LRRC4C: variants seen among roughly 807,000 people sequenced by gnomAD.
LRRC4C encodes leucine-rich repeat-containing protein 4C.
Under a neutral mutation model 33.6 loss-of-function variants are expected in LRRC4C, and 5 were observed. The ratio of observed to expected loss-of-function variants is 0.15; its 90% confidence interval spans 0.08 to 0.31. The LOEUF (loss-of-function observed/expected upper bound fraction) is 0.31. Ranked by LOEUF, LRRC4C falls within the 10% of genes least tolerant of loss-of-function variation. The pLI is 1.00. For missense variants in LRRC4C, 560 were observed against 796.7 expected (o/e 0.70, Z 3.58); for synonymous variants, 329 against 302.0 (o/e 1.09, Z -0.93).
At chr11:41,323,538 T>G (rs1951019008) in intron 1 of LRRC4C, among the ~76,000 whole-genome samples, 2 of 152,216 alleles carry the variant, frequency 1.3e-5, no homozygotes, top group Non-Finnish European at 2.9e-5. Flanking sequence ...GACAGTTCCT[T>G]TCTTCCAAAT....
intron 2 of LRRC4C, among the ~76,000 whole-genome samples, chr11:40,847,865 A>G (rs553850406): frequency 1.7e-4 from 26 of 149,200 alleles, no homozygotes; most frequent in Non-Finnish European, 3.2e-4. Flanking sequence ...CAGGAATTCA[A>G]CTTCTTCCTG....
intron 3 of LRRC4C, among the ~76,000 whole-genome samples, chr11:40,331,630 A>G (rs1342774639): frequency 6.6e-6 from 1 of 152,200 alleles, no homozygotes; most frequent in Non-Finnish European, 1.5e-5. Flanking sequence ...GGCATCATTC[A>G]ACTGGTTGAG....
In LRRC4C at chr11:41,093,809, C is replaced by T. The variant is rs1317695540; in HGVS notation, c.-495-160086G>A. 2.6e-5 allele frequency among the ~76,000 whole-genome samples: 4 copies of T among 151,380 alleles called. No individual in the cohort carries two copies. The East Asian group carries it at 7.8e-4, about 29-fold the overall frequency. On this transcript the variant is annotated intron_variant, in intron 1 of 6. Coordinates refer to ENST00000528697, the MANE Select transcript of LRRC4C (RefSeq NM_001258419.2). ...CTTTGGGGATAAAAAAGTAACAGAC[C>T]GGCCGGGCCCGGTGGATCACATCTA... is the stretch of plus-strand genomic sequence containing the variant.
rs531430101 is a variant in LRRC4C at position 41,001,337 on chromosome 11, A to G, written c.-495-67614T>C. The stretch of plus-strand genomic sequence containing the variant: ...CTTAAGATCGAGCAAGAAGGAGACC[A>G]TTGCCATAAATCAGTTAAATTTCTA... On this transcript the variant is annotated intron_variant, in intron 1 of 6. Transcript: ENST00000528697. 1.2e-4 allele frequency among the ~76,000 whole-genome samples: 18 copies of G among 152,278 alleles called. No homozygotes were observed. In the South Asian group the frequency reaches 3.5e-3, roughly 30 times the overall value.
At chr11:40,822,457 T>C (rs1951975699) in intron 2 of LRRC4C, among the ~76,000 whole-genome samples, 1 of 151,792 alleles carries the variant, frequency 6.6e-6, no homozygotes, top group Non-Finnish European at 1.5e-5. Flanking sequence ...CTATTGTGAA[T>C]GATGCTGCAA....
intron 4 of LRRC4C, among the ~76,000 whole-genome samples, chr11:40,255,420 C>T (rs772946033): frequency 1.3e-5 from 2 of 152,204 alleles, no homozygotes; most frequent in Non-Finnish European, 1.5e-5. Flanking sequence ...AGCGTCAATA[C>T]AGCAAGGTGA....
At chr11:40,497,492 A>G (rs911098978) in intron 3 of LRRC4C, among the ~76,000 whole-genome samples, 1 of 152,198 alleles carries the variant, frequency 6.6e-6, no homozygotes, top group Non-Finnish European at 1.5e-5. Context: ...TCTCCACTGC[A>G]TATTTGCTTC....
intron 2 of LRRC4C, among the ~76,000 whole-genome samples, chr11:40,758,772 C>A (rs1250152275): frequency 1.3e-5 from 2 of 151,754 alleles, no homozygotes; most frequent in Admixed American, 6.6e-5. Flanking sequence ...ATTTTTGTGA[C>A]CTTGCTCATT....
intron 3 of LRRC4C, among the ~76,000 whole-genome samples, chr11:40,574,080 T>A (rs893770953): frequency 3.9e-5 from 6 of 152,220 alleles, no homozygotes; most frequent in African/African-American, 1.4e-4. Context: ...ATGTATGATA[T>A]TAAACATAAA....
intron 1 of LRRC4C, among the ~76,000 whole-genome samples, chr11:41,330,809 G>A (rs1740210204): frequency 6.6e-6 from 1 of 151,806 alleles, no homozygotes; most frequent in South Asian, 2.1e-4. Flanking sequence ...AAGATTATAA[G>A]TATATATGTA....
At position 40,642,635 on chromosome 11, in the gene LRRC4C, T is replaced by A. The variant is rs893256390; in HGVS notation, c.-270+5507A>T. Among the ~76,000 whole-genome samples the A allele has an allele frequency of 3.3e-5, 5 of 152,342 alleles. No individual in the cohort carries two copies. The East Asian group carries it at 9.6e-4, about 29-fold the overall frequency. ...ATAATTATTTCTGTATCATACATAT[T>A]TATGGTCCCCTCAGCACCTAGAACA... is the stretch of plus-strand genomic sequence containing the variant. On this transcript the variant is annotated intron_variant, in intron 3 of 6. Coordinates refer to ENST00000528697, the MANE Select transcript of LRRC4C (RefSeq NM_001258419.2).
At position 41,267,886 on chromosome 11, in the gene LRRC4C, T is replaced by C. The variant is rs1021661937; in HGVS notation, c.-496+191545A>G. On this transcript the variant is annotated intron_variant, in intron 1 of 6. Transcript: ENST00000528697. Reference sequence around the variant, plus strand: ...AAATAATTTTAGCTTTTTTGTTTAGTATGAGGAGTAATAATAGAGATAATA... The same window carrying C: ...AAATAATTTTAGCTTTTTTGTTTAGCATGAGGAGTAATAATAGAGATAATA... 2.6e-5 allele frequency among the ~76,000 whole-genome samples: 4 copies of C among 152,194 alleles called. 1 individual carries two copies. In the South Asian group the frequency reaches 8.3e-4, roughly 32 times the overall value.
At chr11:40,643,711 A>G (rs942702192) in intron 3 of LRRC4C, among the ~76,000 whole-genome samples, 2 of 152,146 alleles carry the variant, frequency 1.3e-5, no homozygotes, top group Admixed American at 1.3e-4. Flanking sequence ...GGAGGTATCA[A>G]TGGAAGTCTA....
intron 1 of LRRC4C, among the ~76,000 whole-genome samples, chr11:41,128,115 C>A (rs114366214): frequency 0.02 from 3,078 of 152,134 alleles, 54 homozygotes; most frequent in African/African-American, 0.044. Flanking sequence ...CCCATATTTT[C>A]TTGGCTATGT....
At chr11:41,322,155 G>A (rs886322166) in intron 1 of LRRC4C, among the ~76,000 whole-genome samples, 11 of 151,792 alleles carry the variant, frequency 7.2e-5, no homozygotes, top group African/African-American at 1.7e-4. Context: ...GTGAGCCACC[G>A]TGCCTGGCCT....
At chr11:40,266,337 G>T (rs1409994555) in intron 4 of LRRC4C, among the ~76,000 whole-genome samples, 1 of 151,666 alleles carries the variant, frequency 6.6e-6, no homozygotes, top group African/African-American at 2.4e-5. Context: ...AAAAGAAGGC[G>T]GCGGCGAATG....
chr11:41,459,184 CTG>C (rs2138717538), intron 1 of LRRC4C, among the ~76,000 whole-genome samples: 1 of 152,068 alleles, frequency 6.6e-6, no homozygotes, highest in Non-Finnish European at 1.5e-5. Context: ...TCAGAATTCC[CTG>C]TGAAAATGTT....
chr11:40,265,258 G>T (rs1245838768), intron 4 of LRRC4C, among the ~76,000 whole-genome samples: 1 of 152,096 alleles, frequency 6.6e-6, no homozygotes, highest in East Asian at 1.9e-4. Context: ...TGGGATGACT[G>T]ATCTCATTAC....
chr11:41,119,304 G>A (rs1447038862), intron 1 of LRRC4C, among the ~76,000 whole-genome samples: 2 of 152,118 alleles, frequency 1.3e-5, no homozygotes, highest in Non-Finnish European at 2.9e-5. Context: ...AGAGAAAAAA[G>A]GGGATGCAAA....
Sources: allele counts gnomAD v4.1 joint callset (sites outside exome capture counted in the v4.1 genomes callset), GRCh38; gene constraint gnomAD v4.1.1; transcripts MANE v1.5; gene names NCBI Gene and HGNC (gene_info 2026-07-23, HGNC 2026-07-21).